CDC5L: variants seen among roughly 807,000 people sequenced by gnomAD.
CDC5L encodes the protein cell division cycle 5-like protein.
CDC5L carries 18 observed loss-of-function variants against 104.1 expected under a neutral mutation model. The ratio of observed to expected loss-of-function variants is 0.17; its 90% CI spans 0.12 to 0.26. The LOEUF is 0.26. Ranked by LOEUF, CDC5L falls within the 10% of genes least tolerant of loss-of-function variation. The probability of loss-of-function intolerance (pLI) is 1.00; values close to 1 mark genes in which losing one functional copy is unlikely to be tolerated. For missense variants in CDC5L, 673 were observed against 956.9 expected (o/e 0.70, Z 3.91); for synonymous variants, 331 against 322.7 (o/e 1.03, Z -0.28).
chr6:44,444,120 G>C (rs982128828), intron 14 of CDC5L, among the ~76,000 whole-genome samples: 2 of 152,194 alleles, frequency 1.3e-5, no homozygotes, highest in Admixed American at 1.3e-4. Context: ...ATGTAGCTGG[G>C]AAGGTTGAGG....
At position 44,448,915 on chromosome 6, in the gene CDC5L, C is replaced by T. The variant is rs1793548560; in HGVS notation, c.*2204C>T. ...TTAGAAATGGCTCTGGAACTTTAAA[C>T]AGTATACCATTTGGGCATCTATTAA... On this transcript the variant is annotated 3_prime_UTR_variant, in exon 16 of 16. Transcript: ENST00000371477. The T allele has an allele frequency of 1.3e-5, 2 of 152,202 alleles. No individual in the cohort carries two copies. The highest frequency in any genetic ancestry group is 3.9e-4 in the East Asian group (2 of 5,176). 9.4% of individuals were successfully genotyped at this position (152,202 alleles called of 1,614,324 possible).
chr6:44,414,855 A>G (rs923877083), intron 8 of CDC5L, among the ~76,000 whole-genome samples: 1 of 152,038 alleles, frequency 6.6e-6, no homozygotes, highest in Non-Finnish European at 1.5e-5. Flanking sequence ...ATTCTTTCCA[A>G]CCCTGGGTCA....
intron 8 of CDC5L, among the ~76,000 whole-genome samples, chr6:44,413,625 C>T (rs2153379299): frequency 6.6e-6 from 1 of 152,174 alleles, no homozygotes; most frequent in Admixed American, 6.5e-5. Context: ...GCTCTGTTGC[C>T]CAGGCTGGAG....
At chr6:44,446,008 C>A in intron 15 of CDC5L, 141 bp downstream of exon 15, 1 of 669,198 alleles carries the variant, frequency 1.5e-6, no homozygotes, top group Non-Finnish European at 2.5e-6. Flanking sequence ...AAGTGTTTGA[C>A]TTTCTAATCT....
chr6:44,430,023 T>C, intron 14 of CDC5L, 113 bp downstream of exon 14: 1 of 748,636 alleles, frequency 1.3e-6, no homozygotes, highest in Non-Finnish European at 2.2e-6. Context: ...TTATTGCCTT[T>C]TTAGTTGTTG....
chr6:44,394,289 C>T (rs1790750797), intron 4 of CDC5L, among the ~76,000 whole-genome samples: 1 of 152,110 alleles, frequency 6.6e-6, no homozygotes, highest in Non-Finnish European at 1.5e-5. Context: ...TGTAATTCTA[C>T]TGAGTAGATT....
chr6:44,406,415 G>T lies in CDC5L; in HGVS notation c.851G>T (p.Gly284Val). ...CCATCAGCTATTCTTCAAACTAGTG[G>T]TGTTTCTGAATTTACTAAAAAGAGA... Reference protein sequence around the residue: ...DLPSAILQTSGVSEFTKKRSK... With the variant: ...DLPSAILQTSVVSEFTKKRSK... Residue 284 changes from glycine to valine, a missense_variant, in exon 7 of 16, where the codon GGT (glycine) becomes GTT (valine). Around this residue, in one of 4 missense-constraint regions of CDC5L, gnomAD observed 578 missense variants for 737.0 expected, o/e 0.78. Transcript: ENST00000371477. 6.2e-7 allele frequency: 1 copy of T among 1,611,832 alleles called. No individual in the cohort carries two copies. Among genetic ancestry groups the T allele is most frequent in the Non-Finnish European group, 8.5e-7 (1 of 1,179,038 alleles).
At chr6:44,430,576 C>CT (rs547630955) in intron 14 of CDC5L, among the ~76,000 whole-genome samples, 5,653 of 136,044 alleles carry the variant, frequency 0.042, 165 homozygotes, top group African/African-American at 0.076. Flanking sequence ...CTTGTGCATT[C>CT]TTTTTTTTTT....
At chr6:44,404,246 G>A (rs1360943483) in intron 6 of CDC5L, among the ~76,000 whole-genome samples, 1 of 152,062 alleles carries the variant, frequency 6.6e-6, no homozygotes, top group Non-Finnish European at 1.5e-5. Context: ...CTGGGCTCAA[G>A]CAATCCTCCC....
rs1479690371 is a variant in CDC5L at position 44,397,440 on chromosome 6, C to A, written c.539+1000C>A. ...CTAGTATTCTTTACCTTCTTTATTT[C>A]TCTGAAACTATCTTGTATTTTTTTC... On this transcript the variant is annotated intron_variant, in intron 5 of 15. Transcript: ENST00000371477. 3.3e-5 allele frequency among the ~76,000 whole-genome samples: 5 copies of A among 152,216 alleles called. No homozygotes were observed. In the East Asian group the frequency reaches 9.6e-4, roughly 29 times the overall value.
At position 44,404,028 on chromosome 6, in the gene CDC5L, G is replaced by A; in HGVS notation, c.758+1G>A. Reference sequence around the variant, plus strand: ...AGGATCTTGATGGGGAGCTAAGATCGTAAGTTGCCTTTCTGATTTTGGAAA... The same window carrying A: ...AGGATCTTGATGGGGAGCTAAGATCATAAGTTGCCTTTCTGATTTTGGAAA... On this transcript the variant is annotated splice_donor_variant, in intron 6 of 15. Coordinates refer to ENST00000371477, the MANE Select transcript of CDC5L (RefSeq NM_001253.4). LOFTEE classifies it high-confidence loss of function. The A allele has an allele frequency of 6.3e-7, 1 of 1,599,270 alleles. No homozygotes were observed. Among genetic ancestry groups the A allele is most frequent in the Non-Finnish European group, 8.5e-7 (1 of 1,173,984 alleles).
rs1191933240 is a variant in CDC5L at position 44,392,215 on chromosome 6, A to G, written c.150-452A>G. Among the ~76,000 whole-genome samples, 4 of 152,194 alleles carry G rather than the reference A, an allele frequency of 2.6e-5. No homozygotes were observed. In the South Asian group the frequency reaches 6.2e-4, roughly 24 times the overall value. On this transcript the variant is annotated intron_variant, in intron 2 of 15. Transcript: ENST00000371477. ...TAGTTTTACTTAAATTTTAAAACAT[A>G]TCAAATGAAAGGTTACGGTGAATTT...
intron 14 of CDC5L, among the ~76,000 whole-genome samples, chr6:44,432,629 T>A (rs1792737390): frequency 6.6e-6 from 1 of 152,228 alleles, no homozygotes; most frequent in Non-Finnish European, 1.5e-5. Context: ...CTTAAGATAC[T>A]CATTTAAAAC....
chr6:44,408,302 G>C, intron 7 of CDC5L, 142 bp from the exon 8 acceptor site: 1 of 430,610 alleles, frequency 2.3e-6, no homozygotes. Flanking sequence ...CAGTTTTGCT[G>C]TGTTGCCCAG....
intron 4 of CDC5L, among the ~76,000 whole-genome samples, chr6:44,394,296 G>C: frequency 6.6e-6 from 1 of 152,158 alleles, no homozygotes; most frequent in East Asian, 1.9e-4. Flanking sequence ...CTACTGAGTA[G>C]ATTTTTCAGA....
Position 44,403,971 on chromosome 6 carries a change from T to C in CDC5L, c.702T>C (p.Ala234=). ...ATACTTCTGAGGAAAACTACCAAGC[T>C]CTTGACGCAGATTTCAGGAAATTAA... The part of the protein sequence containing the change: ...FYDTSEENYQ[A]LDADFRKLRQ... Residue 234 remains alanine (A), a synonymous_variant, in exon 6 of 16, where the codon GCT becomes GCC. Coordinates refer to ENST00000371477, the MANE Select transcript of CDC5L (RefSeq NM_001253.4). 1.2e-6 allele frequency: 2 copies of C among 1,613,436 alleles called. No homozygotes were observed. The highest frequency in any genetic ancestry group is 1.7e-6 in the Non-Finnish European group (2 of 1,179,860).
chr6:44,436,511 TTCAC>T (rs1290580685), intron 14 of CDC5L, among the ~76,000 whole-genome samples: 1 of 152,242 alleles, frequency 6.6e-6, no homozygotes, highest in African/African-American at 2.4e-5. Flanking sequence ...CTCATTATAT[TTCAC>T]TACATTGATG....
Position 44,398,521 on chromosome 6 carries a change from G to A in CDC5L, c.539+2081G>A, listed in dbSNP as rs368566906. On this transcript the variant is annotated intron_variant, in intron 5 of 15. Coordinates refer to ENST00000371477, the MANE Select transcript of CDC5L (RefSeq NM_001253.4). ...AGTTATATTCTAACAGGCTGGAATG[G>A]CCTCTATGCAAAGTGCAGGGCAGGG... Among the ~76,000 whole-genome samples, 5 of 152,192 alleles carry A rather than the reference G, an allele frequency of 3.3e-5. No individual in the cohort carries two copies. The East Asian group carries it at 7.7e-4, about 23-fold the overall frequency.
At chr6:44,408,060 C>T (rs377680748) in intron 7 of CDC5L, among the ~76,000 whole-genome samples, 4 of 152,086 alleles carry the variant, frequency 2.6e-5, no homozygotes, top group Admixed American at 2.6e-4. Flanking sequence ...AGAGATACAG[C>T]CTTTGTAGCT....
Sources: gnomAD v4.1 joint callset for allele counts (sites outside exome capture counted in the v4.1 genomes callset) on GRCh38, gnomAD v4.1.1 for gene constraint, gnomAD v4.1.1 regional missense constraint, MANE v1.5 for transcripts, NCBI Gene and HGNC (gene_info 2026-07-23, HGNC 2026-07-21) for gene names.